TNNI3K: variants seen among roughly 807,000 people sequenced by gnomAD.
TNNI3K encodes the protein TNNI3 interacting kinase.
In TNNI3K, 140 loss-of-function variants were observed where a neutral mutation model predicts 114.5. That is an observed-to-expected ratio of 1.22 (90% CI 1.07 to 1.41). The LOEUF is 1.41. TNNI3K is among the 40% of genes most tolerant of loss of function. The pLI is 0.00. For synonymous variants in TNNI3K, 347 were observed against 347.5 expected (o/e 1.00, Z 0.02); for missense variants, 1,125 against 1,007.6 (o/e 1.12, Z -1.58).
At chr1:74,412,986 A>G (rs1310398159) in intron 17 of TNNI3K, among the ~76,000 whole-genome samples, 1 of 152,180 alleles carries the variant, frequency 6.6e-6, no homozygotes, top group African/African-American at 2.4e-5. Flanking sequence ...GTAAGAAAAT[A>G]TAGGTAACTC....
intron 4 of TNNI3K, among the ~76,000 whole-genome samples, chr1:74,256,364 G>C (rs1237836305): frequency 1.2e-5 from 1 of 86,480 alleles, no homozygotes; most frequent in Non-Finnish European, 2.4e-5. Flanking sequence ...ATTTTAATTT[G>C]CATTTCCCTG....
chr1:74,294,934 G>T (rs772634817), intron 5 of TNNI3K, among the ~76,000 whole-genome samples: 1 of 151,186 alleles, frequency 6.6e-6, no homozygotes, highest in Admixed American at 6.6e-5. Flanking sequence ...ATATAACTTG[G>T]AATTTTTTCT....
In TNNI3K at chr1:74,428,347, C is replaced by G. The variant is rs77089915; in HGVS notation, c.1773-7733C>G. Among the ~76,000 whole-genome samples, 973 of 152,088 alleles carry G rather than the reference C, an allele frequency of 6.4e-3. 24 individuals are homozygous for G. Among genetic ancestry groups the G allele is most frequent in the East Asian group, 0.054 (276 of 5,142 alleles). ...TCCTCTACAGAACCAAGGGTATATA[C>G]GAGGAATTTCAAGGCAATCTATATG... On this transcript the variant is annotated intron_variant, in intron 17 of 24. Transcript: ENST00000326637.
At chr1:74,243,834 C>G (rs1305373129) in intron 2 of TNNI3K, among the ~76,000 whole-genome samples, 1 of 151,938 alleles carries the variant, frequency 6.6e-6, no homozygotes, top group Non-Finnish European at 1.5e-5. Flanking sequence ...CATTCATGCC[C>G]CAGCATGCAC....
chr1:74,467,068 G>A (rs565721170), intron 21 of TNNI3K, among the ~76,000 whole-genome samples: 2 of 152,308 alleles, frequency 1.3e-5, no homozygotes, highest in East Asian at 3.9e-4. Context: ...TTCCCAAAAA[G>A]AGTAACACTT....
At chr1:74,533,526 T>G (rs1646619309) in intron 23 of TNNI3K, among the ~76,000 whole-genome samples, 1 of 152,118 alleles carries the variant, frequency 6.6e-6, no homozygotes, top group African/African-American at 2.4e-5. Context: ...GATCTAGAAC[T>G]AGAAATACCA....
intron 9 of TNNI3K, among the ~76,000 whole-genome samples, chr1:74,349,595 T>C (rs1221037291): frequency 6.6e-6 from 1 of 152,236 alleles, no homozygotes; most frequent in Non-Finnish European, 1.5e-5. Context: ...TGAATCCATC[T>C]GGTCCTGGAC....
At chr1:74,311,771 C>T (rs1381948877) in intron 5 of TNNI3K, among the ~76,000 whole-genome samples, 1 of 152,060 alleles carries the variant, frequency 6.6e-6, no homozygotes, top group Non-Finnish European at 1.5e-5. Flanking sequence ...CCTCTGAATA[C>T]TGAAATTTTG....
intron 21 of TNNI3K, chr1:74,480,508 T>C: frequency 2.8e-6 from 2 of 717,488 alleles, no homozygotes; most frequent in East Asian, 2.7e-5. Context: ...CCACTTCCTG[T>C]AGTTGAGGCA....
chr1:74,439,603 A>G lies in TNNI3K; in HGVS notation c.1992A>G (p.Pro664=), dbSNP rs200909543. 7 of 1,613,356 alleles carry G rather than the reference A, an allele frequency of 4.3e-6. No individual in the cohort carries two copies. The highest frequency in any genetic ancestry group is 4.2e-6 in the Non-Finnish European group (5 of 1,179,600). ...CLWEILTGEI[P]FAHLKPAAAA... ...GGGAAATTCTCACTGGCGAAATTCCATTCGCTCATCTCAAGCCAGGTAAGA... is the reference window on the plus strand; with the variant it reads ...GGGAAATTCTCACTGGCGAAATTCCGTTCGCTCATCTCAAGCCAGGTAAGA... The change falls in exon 20 of 25, where the codon CCA becomes CCG. Residue 664 remains proline, a synonymous_variant. Transcript: ENST00000326637.
intron 4 of TNNI3K, among the ~76,000 whole-genome samples, chr1:74,266,869 A>G (rs1376317132): frequency 5.9e-5 from 9 of 151,908 alleles, no homozygotes; most frequent in Non-Finnish European, 1.2e-4. Flanking sequence ...ATTTTGGGAG[A>G]TCTATTCTAC....
At chr1:74,265,701 T>A (rs767221814) in intron 4 of TNNI3K, among the ~76,000 whole-genome samples, 1 of 152,098 alleles carries the variant, frequency 6.6e-6, no homozygotes, top group Non-Finnish European at 1.5e-5. Context: ...CAGCATTATC[T>A]GATGTAATCC....
intron 23 of TNNI3K, among the ~76,000 whole-genome samples, chr1:74,505,260 C>T (rs971567922): frequency 3.3e-5 from 5 of 152,190 alleles, no homozygotes; most frequent in African/African-American, 1.2e-4. Flanking sequence ...AGCACAGGGA[C>T]CAAAGAGAAC....
At chr1:74,259,108 C>G (rs1395359476) in intron 4 of TNNI3K, among the ~76,000 whole-genome samples, 1 of 152,126 alleles carries the variant, frequency 6.6e-6, no homozygotes, top group African/African-American at 2.4e-5. Flanking sequence ...AGAAATTTAA[C>G]CAATAGGATT....
intron 17 of TNNI3K, chr1:74,375,039 CT>C (rs1662835939): frequency 6.6e-6 from 1 of 152,182 alleles, no homozygotes; most frequent in African/African-American, 2.4e-5. Context: ...TATATTAACA[CT>C]GTAAGGAATT....
intron 21 of TNNI3K, chr1:74,480,761 G>T (rs373331354): frequency 2.8e-6 from 2 of 717,412 alleles, no homozygotes; most frequent in Non-Finnish European, 5.2e-6. Flanking sequence ...GGTGTGATCA[G>T]TGAGCGAAGA....
At chr1:74,506,296 A>G (rs1669897883) in intron 23 of TNNI3K, among the ~76,000 whole-genome samples, 1 of 152,220 alleles carries the variant, frequency 6.6e-6, no homozygotes, top group African/African-American at 2.4e-5. Context: ...CAACTCTTCT[A>G]CAGCTAAGAG....
intron 23 of TNNI3K, among the ~76,000 whole-genome samples, chr1:74,493,652 A>T (rs1669186485): frequency 6.6e-6 from 1 of 152,162 alleles, no homozygotes; most frequent in South Asian, 2.1e-4. Context: ...CTCATTTTGG[A>T]TGAGCTTGAC....
intron 11 of TNNI3K, among the ~76,000 whole-genome samples, chr1:74,364,301 T>G (rs1662148714): frequency 6.6e-6 from 1 of 151,906 alleles, no homozygotes; most frequent in Non-Finnish European, 1.5e-5. Context: ...CTCAGCCAAA[T>G]TTTAATTCCA....
Sources: allele counts gnomAD v4.1 joint callset (sites outside exome capture counted in the v4.1 genomes callset), GRCh38; gene constraint gnomAD v4.1.1; transcripts MANE v1.5; gene names NCBI Gene and HGNC (gene_info 2026-07-23, HGNC 2026-07-21).